The following MIDN variants were observed in gnomAD, a reference collection of about 807,000 sequenced individuals.
MIDN encodes midnolin.
MIDN carries 26 observed loss-of-function variants against 46.1 expected under a neutral mutation model. The ratio of observed to expected loss-of-function variants is 0.56; its 90% CI spans 0.41 to 0.78. The LOEUF (loss-of-function observed/expected upper bound fraction) is 0.78. Among genes scored for constraint, MIDN ranks in the 30% least tolerant of loss-of-function variants. The pLI is 0.00. For synonymous variants in MIDN, 432 were observed against 343.3 expected (o/e 1.26, Z -2.86); for missense variants, 850 against 771.8 (o/e 1.10, Z -1.20).
At chr19:1,253,429 C>CT (rs1337442112) in intron 4 of MIDN, among the ~76,000 whole-genome samples, 1 of 151,448 alleles carries the variant, frequency 6.6e-6, no homozygotes, top group Non-Finnish European at 1.5e-5. Flanking sequence ...CCACCCCCCC[C>CT]CCCATCCCGG....
rs368568511 is a variant in MIDN, at chr19:1,257,675, T to TC, written c.*410dup. 2,338 of 197,226 alleles carry TC rather than the reference T, an allele frequency of 0.012. 26 individuals carry two copies. The highest frequency in any genetic ancestry group is 0.02 in the Middle Eastern group (10 of 504). 12.2% of individuals were successfully genotyped at this position (197,226 alleles called of 1,614,324 possible). Reference sequence around the variant, plus strand: ...GCCCCATCCCTTCCGCCGCCTCCTTTCCCCCCCGACCCTATTCAGGTTTTA... The same window carrying TC: ...GCCCCATCCCTTCCGCCGCCTCCTTTCCCCCCCCGACCCTATTCAGGTTTTA... On this transcript the variant is annotated 3_prime_UTR_variant, in exon 9 of 9. Coordinates refer to ENST00000682408, the MANE Select transcript of MIDN (RefSeq NM_001388306.1).
chr19:1,255,125 C>T lies in MIDN; in HGVS notation c.985+64C>T, dbSNP rs1327551701. On this transcript the variant is annotated intron_variant, in intron 7 of 8. Coordinates refer to ENST00000682408, the MANE Select transcript of MIDN (RefSeq NM_001388306.1). ...CGTGACCCTGTGCATTTGGGGTCTA[C>T]ATCCACCCACAGGCGACTCCACATA... The T allele has an allele frequency of 6.5e-6, 10 of 1,540,458 alleles. No homozygotes were observed. The South Asian group carries it at 8.2e-5, about 13-fold the overall frequency.
At chr19:1,256,971 C>G (rs751044973) in intron 8 of MIDN, 24 bp from the exon 9 acceptor site, 2 of 1,604,184 alleles carry the variant, frequency 1.2e-6, no homozygotes, top group African/African-American at 2.7e-5. Context: ...CTTTGGGAGT[C>G]ACAGGCCACT....
intron 2 of MIDN, 89 bp from the exon 3 acceptor site, chr19:1,251,473 C>A: frequency 2.5e-6 from 3 of 1,210,132 alleles, no homozygotes; most frequent in South Asian, 1.3e-5. Flanking sequence ...CGTCTCTCCC[C>A]ACACAAGCAC....
intron 2 of MIDN, 125 bp from the exon 3 acceptor site, chr19:1,251,437 G>T: frequency 1.2e-6 from 1 of 808,340 alleles, no homozygotes; most frequent in Non-Finnish European, 1.9e-6. Flanking sequence ...CTGGAAGCCG[G>T]GAAGGGGTGG....
In MIDN at chr19:1,250,453, G is replaced by A. The variant is rs1568779255; in HGVS notation, c.157G>A (p.Val53Met). The change falls in exon 2 of 9, where the codon GTG becomes ATG. Residue 53 changes from valine (V) to methionine (M), a missense_variant. Physicochemically the swap from Val to Met is conservative, Grantham distance 21. Coordinates refer to ENST00000682408, the MANE Select transcript of MIDN (RefSeq NM_001388306.1). Reference sequence around the variant, plus strand: ...CCTGGCCGTGCCGCCCGACGAGACGGTGGAGGGGCTGCGCAAGCGGTTGTC... The same window carrying A: ...CCTGGCCGTGCCGCCCGACGAGACGATGGAGGGGCTGCGCAAGCGGTTGTC... Reference protein sequence around the residue: ...YDLAVPPDETVEGLRKRLSQR... With the variant: ...YDLAVPPDETMEGLRKRLSQR... 1 of 1,390,870 alleles carries A rather than the reference G, an allele frequency of 7.2e-7. No homozygotes were observed. The highest frequency in any genetic ancestry group is 1.5e-5 in the South Asian group (1 of 67,086). 86.2% of individuals were successfully genotyped at this position (1,390,870 alleles called of 1,614,324 possible).
intron 4 of MIDN, among the ~76,000 whole-genome samples, chr19:1,252,361 G>A (rs565657797): frequency 7.2e-5 from 11 of 152,194 alleles, no homozygotes; most frequent in African/African-American, 2.6e-4. Flanking sequence ...TCGTGAGAGG[G>A]TGGGGATCTC....
chr19:1,255,087 C>G (rs760125393), intron 7 of MIDN, 26 bp downstream of exon 7: 2 of 1,601,154 alleles, frequency 1.2e-6, no homozygotes, highest in South Asian at 2.2e-5. Flanking sequence ...CATGTGTGAG[C>G]TCACGTGTGT....
chr19:1,248,851 G>A (rs2081086623), intron 1 of MIDN, among the ~76,000 whole-genome samples, 191 bp downstream of exon 1: 1 of 151,754 alleles, frequency 6.6e-6, no homozygotes, highest in Admixed American at 6.5e-5. Context: ...CTCAGCCCCC[G>A]CCCCGCCCCC....
chr19:1,254,853 G>A, intron 6 of MIDN, 49 bp from the exon 7 acceptor site: 1 of 1,552,568 alleles, frequency 6.4e-7, no homozygotes, highest in Non-Finnish European at 8.7e-7. Flanking sequence ...GGTTGCTGGT[G>A]ATCCCCTGAT....
At chr19:1,249,785 G>A (rs1490370091) in intron 1 of MIDN, 105 bp from the exon 2 acceptor site, 3 of 150,986 alleles carry the variant, frequency 2.0e-5, no homozygotes, top group Admixed American at 6.6e-5. Flanking sequence ...GCGATTGGCC[G>A]GCGCCCGGCC....
At position 1,253,671 on chromosome 19, in the gene MIDN, A is replaced by T. The variant is rs2081161623; in HGVS notation, c.385-283A>T. 1.7e-5 allele frequency: 3 copies of T among 181,316 alleles called. No individual in the cohort carries two copies. In the South Asian group the frequency reaches 2.8e-4, roughly 17 times the overall value. The allele number at this position is 181,316 out of a possible 1,614,324, so 11.2% of individuals were successfully genotyped here. A position where few individuals can be genotyped will look rare whatever the true frequency, so the allele number is the denominator to read the frequency against. ...CCAGGACAGATAAATATTTATCTTGAGAAAGCAAAGGTTAGGACAGAAGAA... is the reference window on the plus strand; with the variant it reads ...CCAGGACAGATAAATATTTATCTTGTGAAAGCAAAGGTTAGGACAGAAGAA... On this transcript the variant is annotated intron_variant, in intron 4 of 8. Transcript: ENST00000682408.
At chr19:1,255,751 C>T (rs909893287) in intron 8 of MIDN, 57 bp downstream of exon 8, 24 of 1,452,208 alleles carry the variant, frequency 1.7e-5, no homozygotes, top group East Asian at 1.2e-4. Context: ...TTCTCAAGGC[C>T]CCTCTGTGTG....
At chr19:1,253,179 G>A (rs376796470) in intron 4 of MIDN, among the ~76,000 whole-genome samples, 17 of 151,996 alleles carry the variant, frequency 1.1e-4, no homozygotes, top group African/African-American at 2.7e-4. Context: ...AGCTGCTCTC[G>A]GGAAGCCACC....
chr19:1,250,965 C>G (rs1342714842), intron 2 of MIDN, among the ~76,000 whole-genome samples: 1 of 152,102 alleles, frequency 6.6e-6, no homozygotes, highest in Non-Finnish European at 1.5e-5. Flanking sequence ...CTCCCCTCCC[C>G]CCTGGTATTT....
chr19:1,251,564 G>C lies in MIDN; in HGVS notation c.236G>C (p.Arg79Pro). The C allele has an allele frequency of 6.2e-7, 1 of 1,606,946 alleles. No individual in the cohort carries two copies. The highest frequency in any genetic ancestry group is 8.5e-7 in the Non-Finnish European group (1 of 1,177,684). ...ERLALLHKDT[R>P]LSSGKLQEFG... is the part of the protein sequence containing the mutation. The stretch of plus-strand genomic sequence containing the variant: ...ATGCTCTTCCTTCCTCCCCCCAGCC[G>C]GCTCAGTTCGGGGAAGCTGCAGGAG... Residue 79 changes from arginine to proline, a missense_variant and splice_region_variant, in exon 3 of 9, where the codon CGG becomes CCG. Coordinates refer to ENST00000682408, the MANE Select transcript of MIDN (RefSeq NM_001388306.1).
Position 1,257,465 on chromosome 19 carries a change from T to C in MIDN, c.*193T>C. On this transcript the variant is annotated 3_prime_UTR_variant, in exon 9 of 9. Coordinates refer to ENST00000682408, the MANE Select transcript of MIDN (RefSeq NM_001388306.1). The stretch of plus-strand genomic sequence containing the variant: ...AAGTTCTGACCGTGGTTTCCTGGAC[T>C]CTTCATGGGCTTTGCTTCCTACCTC... 1.8e-6 allele frequency: 1 copy of C among 558,188 alleles called. No individual in the cohort carries two copies. The highest frequency in any genetic ancestry group is 3.2e-6 in the Non-Finnish European group (1 of 317,314). 34.6% of individuals were successfully genotyped at this position (558,188 alleles called of 1,614,324 possible).
In MIDN at chr19:1,251,669, C is replaced by T. The variant is rs1343059784; in HGVS notation, c.321+20C>T. The T allele has an allele frequency of 6.3e-7, 1 of 1,598,148 alleles. No individual in the cohort carries two copies. The highest frequency in any genetic ancestry group is 8.5e-7 in the Non-Finnish European group (1 of 1,170,932). On this transcript the variant is annotated intron_variant, in intron 3 of 8. Transcript: ENST00000682408. ...CTCATGGTAAATGGCCATGGGGCTG[C>T]GTGCCCCCAGAGGCCCCCGCACACA...
intron 1 of MIDN, among the ~76,000 whole-genome samples, chr19:1,249,000 G>T (rs1482587531): frequency 2.0e-5 from 3 of 151,922 alleles, no homozygotes; most frequent in Non-Finnish European, 4.4e-5. Context: ...CAGCCCAGTC[G>T]TCTTCCTCCC....
Sources: gnomAD v4.1 joint callset for allele counts (sites outside exome capture counted in the v4.1 genomes callset) on GRCh38, gnomAD v4.1.1 for gene constraint, MANE v1.5 for transcripts, NCBI Gene and HGNC (gene_info 2026-07-23, HGNC 2026-07-21) for gene names.